Variants in FAM53A observed in about 807,000 individuals in gnomAD.
The protein encoded by FAM53A is protein FAM53A.
A neutral mutation model predicts 26.6 loss-of-function variants in FAM53A; 28 were observed. That is an observed-to-expected ratio of 1.05 (90% confidence interval 0.78 to 1.45). FAM53A has a LOEUF of 1.45. Among genes scored for constraint, FAM53A ranks in the 40% most tolerant of loss-of-function variants. The pLI is 0.00. For synonymous variants in FAM53A, 290 were observed against 253.1 expected (o/e 1.15, Z -1.38); for missense variants, 650 against 575.8 (o/e 1.13, Z -1.32).
chr4:1,655,107 C>G lies in FAM53A; in HGVS notation c.753G>C (p.Gly251=). 6 of 1,600,864 alleles carry G rather than the reference C, an allele frequency of 3.7e-6. No individual in the cohort carries two copies. Among genetic ancestry groups the G allele is most frequent in the Non-Finnish European group, 5.1e-6 (6 of 1,173,654 alleles). ...SSPTSTPALG[G]RRGLLRCRSQ... Reference sequence around the variant, plus strand: ...AGCGGCACCGGAGCAGCCCACGGCGCCCGCCCAGCGCAGGCGTGGACGTGG... The same window carrying G: ...AGCGGCACCGGAGCAGCCCACGGCGGCCGCCCAGCGCAGGCGTGGACGTGG... The change falls in exon 4 of 5, where the codon GGG becomes GGC. Residue 251 remains glycine, a synonymous_variant. Coordinates refer to ENST00000308132, the MANE Select transcript of FAM53A (RefSeq NM_001174070.3).
Position 1,641,160 on chromosome 4 carries a change from A to T in FAM53A, c.*133T>A. 1.5e-6 allele frequency: 1 copy of T among 647,162 alleles called. No homozygotes were observed. The highest frequency in any genetic ancestry group is 1.9e-5 in the South Asian group (1 of 52,274). 40.1% of individuals were successfully genotyped at this position (647,162 alleles called of 1,614,324 possible). A position where few individuals can be genotyped will look rare whatever the true frequency, so the allele number is the denominator to read the frequency against. ...GCCGGCGGCAGCCGTGGCCCCGACC[A>T]GCTCACAGGAAACCTACTCTGTGCC... On this transcript the variant is annotated 3_prime_UTR_variant, in exon 5 of 5. Transcript: ENST00000308132.
At chr4:1,680,547 A>G (rs1407443211) in intron 1 of FAM53A, among the ~76,000 whole-genome samples, 1 of 152,188 alleles carries the variant, frequency 6.6e-6, no homozygotes, top group Non-Finnish European at 1.5e-5. Flanking sequence ...AGCTGTATCC[A>G]TAAGTGCCAA....
chr4:1,632,287 G>A (rs1715641999), intron 1 of FAM53A, among the ~76,000 whole-genome samples: 1 of 152,044 alleles, frequency 6.6e-6, no homozygotes, highest in Admixed American at 6.6e-5. Flanking sequence ...GGAAGAGGAA[G>A]AAGATGAGGA....
At chr4:1,577,727 C>T in the FAM53A span, among the ~76,000 whole-genome samples, 1 of 152,328 alleles carries the variant, frequency 6.6e-6, no homozygotes. Flanking sequence ...TGTTAATTGG[C>T]CTATCTGACT....
intron 1 of FAM53A, among the ~76,000 whole-genome samples, chr4:1,621,393 C>T (rs571521140): frequency 5.7e-4 from 87 of 151,310 alleles, no homozygotes; most frequent in Non-Finnish European, 1.1e-3. Flanking sequence ...CATGAGCCAC[C>T]GCGCCCGGTC....
At chr4:1,626,042 C>A (rs533872780) in intron 1 of FAM53A, among the ~76,000 whole-genome samples, 11 of 152,296 alleles carry the variant, frequency 7.2e-5, no homozygotes, top group African/African-American at 2.4e-4. Flanking sequence ...TGCCCCGACT[C>A]GGTGTGGCTG....
the FAM53A span, among the ~76,000 whole-genome samples, chr4:1,609,365 C>T: frequency 6.6e-6 from 1 of 152,246 alleles, no homozygotes; most frequent in East Asian, 1.9e-4. Flanking sequence ...CCTGCACCTG[C>T]CCCGGGGCCT....
At chr4:1,588,380 G>A in the FAM53A span, among the ~76,000 whole-genome samples, 4 of 152,338 alleles carry the variant, frequency 2.6e-5, no homozygotes, top group East Asian at 5.8e-4. Flanking sequence ...AGTGTGGGCT[G>A]TGCTTAGTGA....
chr4:1,597,284 C>G, the FAM53A span, among the ~76,000 whole-genome samples: 2 of 152,280 alleles, frequency 1.3e-5, no homozygotes, highest in East Asian at 3.9e-4. Context: ...GCTCCTCCCC[C>G]CACCACTGCC....
rs76507768 is a variant in FAM53A, at chr4:1,644,764, G to A, written c.883-3157C>T. The A allele has an allele frequency of 6.9e-3, 1,098 of 159,020 alleles. 11 individuals are homozygous for A. Among genetic ancestry groups the A allele is most frequent in the African/African-American group, 0.024 (991 of 41,728 alleles). 9.9% of individuals were successfully genotyped at this position (159,020 alleles called of 1,614,324 possible). On this transcript the variant is annotated intron_variant, in intron 4 of 4. Coordinates refer to ENST00000308132, the MANE Select transcript of FAM53A (RefSeq NM_001174070.3). Reference sequence around the variant, plus strand: ...CGAAGCCCTCCAGGCAGTCTGGGGGGTGCACGGACCCCAGCTGACAGCTGG... The same window carrying A: ...CGAAGCCCTCCAGGCAGTCTGGGGGATGCACGGACCCCAGCTGACAGCTGG...
rs527921051 is a variant in FAM53A, at chr4:1,659,144, G to A, written c.76-1676C>T. 4.2e-3 allele frequency among the ~76,000 whole-genome samples: 647 copies of A among 152,364 alleles called. 6 individuals are homozygous for A. The highest frequency in any genetic ancestry group is 0.015 in the African/African-American group (622 of 41,584). ...GGGTCCCACCTCAGCCAGCACGGCG[G>A]TGTGGAGCTGTGAGCACCCGGCCAC... On this transcript the variant is annotated intron_variant, in intron 2 of 4. Coordinates refer to ENST00000308132, the MANE Select transcript of FAM53A (RefSeq NM_001174070.3). The surrounding 1 kb of genome is among the most constrained non-coding windows in gnomAD (Gnocchi z 5.2).
the FAM53A span, among the ~76,000 whole-genome samples, chr4:1,596,772 A>C: frequency 3.9e-5 from 6 of 152,310 alleles, no homozygotes; most frequent in Non-Finnish European, 7.4e-5. Flanking sequence ...AAAGGGGGAA[A>C]GACAGAGAGA....
Position 1,653,747 on chromosome 4 carries a change from C to T in FAM53A, c.882+1231G>A, listed in dbSNP as rs539080351. 1.4e-4 allele frequency among the ~76,000 whole-genome samples: 21 copies of T among 152,368 alleles called. No homozygotes were observed. In the South Asian group the frequency reaches 4.1e-3, roughly 30 times the overall value. ...AGAATCAACTGGAGAGCCCACTGAT[C>T]AGAAGAGGCAAAGCTCACGGTGCCC... On this transcript the variant is annotated intron_variant, in intron 4 of 4. Coordinates refer to ENST00000308132, the MANE Select transcript of FAM53A (RefSeq NM_001174070.3).
At chr4:1,593,967 AC>A in the FAM53A span, among the ~76,000 whole-genome samples, 1 of 152,182 alleles carries the variant, frequency 6.6e-6, no homozygotes, top group Non-Finnish European at 1.5e-5. Context: ...AGCACGAAAT[AC>A]GGTCTAGGGC....
the FAM53A span, among the ~76,000 whole-genome samples, chr4:1,590,261 T>C: frequency 6.6e-6 from 1 of 152,224 alleles, no homozygotes. Flanking sequence ...TCTTTGAAAT[T>C]TATCACATTT....
chr4:1,595,262 C>T, the FAM53A span, among the ~76,000 whole-genome samples: 6 of 152,224 alleles, frequency 3.9e-5, no homozygotes, highest in South Asian at 2.1e-4. Flanking sequence ...TGCAAGAAGG[C>T]GGGCAGCAGG....
At chr4:1,588,414 G>A in the FAM53A span, among the ~76,000 whole-genome samples, 1 of 152,200 alleles carries the variant, frequency 6.6e-6, no homozygotes, top group Admixed American at 6.5e-5. Flanking sequence ...ACAGAATGTG[G>A]CAGAAATGAT....
the FAM53A span, among the ~76,000 whole-genome samples, chr4:1,598,568 C>T: frequency 6.6e-6 from 1 of 152,200 alleles, no homozygotes; most frequent in African/African-American, 2.4e-5. Context: ...GATTTTTAAG[C>T]GTGAAGAATT....
intron 4 of FAM53A, among the ~76,000 whole-genome samples, chr4:1,643,403 T>C (rs967137518): frequency 6.6e-6 from 1 of 151,618 alleles, no homozygotes; most frequent in Non-Finnish European, 1.5e-5. Context: ...GAGGCGGAGC[T>C]TGCAGTGAGC....
Sources: allele counts gnomAD v4.1 joint callset (sites outside exome capture counted in the v4.1 genomes callset), GRCh38; gene constraint gnomAD v4.1.1; non-coding constraint Gnocchi (gnomAD v3.1); transcripts MANE v1.5; gene names NCBI Gene and HGNC (gene_info 2026-07-23, HGNC 2026-07-21).